The following SPTBN1 variants were observed in gnomAD, a reference collection of about 807,000 sequenced individuals.
SPTBN1 encodes the protein spectrin beta, non-erythrocytic 1.
A neutral mutation model predicts 266.4 loss-of-function variants in SPTBN1; 32 were observed. That is an observed-to-expected ratio of 0.12 (90% CI 0.09 to 0.16). SPTBN1 has a LOEUF of 0.16. Ranked by LOEUF, SPTBN1 falls within the 10% of genes least tolerant of loss-of-function variation. The probability of loss-of-function intolerance (pLI) is 1.00; values close to 1 mark genes in which losing one functional copy is unlikely to be tolerated. For synonymous variants in SPTBN1, 1,336 were observed against 1,162.2 expected, an observed-to-expected ratio of 1.15 and a Z score of -3.04; for missense variants, 2,296 against 3,067.1, an observed-to-expected ratio of 0.75 and a Z score of 5.94.
chr2:54,653,535 C>T lies in SPTBN1; in HGVS notation c.5578-74C>T. 6.4e-7 allele frequency: 1 copy of T among 1,570,068 alleles called. No homozygotes were observed. The highest frequency in any genetic ancestry group is 1.2e-5 in the South Asian group (1 of 85,232). Reference sequence around the variant, plus strand: ...TGCTCCCTTTAGTGTATGAGCAGAACAGAATAGGGCTTGGGGTGATGGTGG... The same window carrying T: ...TGCTCCCTTTAGTGTATGAGCAGAATAGAATAGGGCTTGGGGTGATGGTGG... On this transcript the variant is annotated intron_variant, in intron 26 of 35. Coordinates refer to ENST00000356805, the MANE Select transcript of SPTBN1 (RefSeq NM_003128.3). This position sits in a 1 kb window ranked among gnomAD's most constrained non-coding sequence, Gnocchi z 5.1.
In SPTBN1 at chr2:54,664,685, C is replaced by T; in HGVS notation, c.6653C>T (p.Ser2218Leu). ...HEWEAHNKKASSRSWHNVYCV... is the reference protein window; with the variant it reads ...HEWEAHNKKALSRSWHNVYCV... ...TGGGAGGCCCACAATAAGAAAGCCT[C>T]AAGCAGGTAACAGCAGCAGAGGCTG... Residue 2218 changes from serine to leucine, a missense_variant, in exon 33 of 36, where the codon TCA becomes TTA. By Grantham distance (145) the Ser-to-Leu change is moderately radical (BLOSUM62 -2). Transcript: ENST00000356805. This position sits in a 1 kb window ranked among gnomAD's most constrained non-coding sequence, Gnocchi z 5.6. 1 of 1,614,000 alleles carries T rather than the reference C, an allele frequency of 6.2e-7. No individual in the cohort carries two copies. The highest frequency in any genetic ancestry group is 8.5e-7 in the Non-Finnish European group (1 of 1,179,954).
intron 32 of SPTBN1, chr2:54,660,925 G>T (rs1680997908): frequency 2.0e-6 from 2 of 985,274 alleles, no homozygotes; most frequent in Middle Eastern, 5.2e-4. Context: ...TCTCCATTCA[G>T]CCGATGACTT....
chr2:54,629,710 A>T lies in SPTBN1; in HGVS notation c.2576A>T (p.Asp859Val), dbSNP rs1558446251. Residue 859 changes from aspartate to valine, a missense_variant, in exon 14 of 36, where the codon GAT becomes GTT. Around this residue, in one of 12 missense-constraint regions of SPTBN1, gnomAD observed 434 missense variants for 573.9 expected, o/e 0.76. Coordinates refer to ENST00000356805, the MANE Select transcript of SPTBN1 (RefSeq NM_003128.3). The stretch of plus-strand genomic sequence containing the variant: ...CTGTACAAGATGTTCAGCGAGGCTG[A>T]TGCCTGTGAGCTCTGGATCGACGAG... ...LALYKMFSEA[D>V]ACELWIDEKE... 6.2e-7 allele frequency: 1 copy of T among 1,613,412 alleles called. No individual in the cohort carries two copies. The highest frequency in any genetic ancestry group is 8.5e-7 in the Non-Finnish European group (1 of 1,180,044).
At chr2:54,581,372 C>G (rs1469120630) in intron 2 of SPTBN1, among the ~76,000 whole-genome samples, 1 of 152,024 alleles carries the variant, frequency 6.6e-6, no homozygotes, top group Non-Finnish European at 1.5e-5. Flanking sequence ...TAGGGTCGTC[C>G]GTGAGACACA....
Position 54,659,986 on chromosome 2 carries a change from A to G in SPTBN1, c.6407A>G (p.Gln2136Arg). ...TCCCAAAACGGTTTGCCAGCTGAAC[A>G]GGGATCTCCACGGGTTAGTTACCGC... ...QVSQNGLPAE[Q>R]GSPRMAETVD... The change falls in exon 32 of 36, where the codon CAG (glutamine) becomes CGG (arginine). Residue 2136 changes from glutamine (Q) to arginine (R), a missense_variant. Physicochemically the swap from Gln to Arg is conservative, Grantham distance 43. Around this residue, in one of 12 missense-constraint regions of SPTBN1, gnomAD observed 347 missense variants for 368.5 expected, o/e 0.94. Coordinates refer to ENST00000356805, the MANE Select transcript of SPTBN1 (RefSeq NM_003128.3). 6.2e-7 allele frequency: 1 copy of G among 1,614,184 alleles called. No homozygotes were observed.
intron 1 of SPTBN1, among the ~76,000 whole-genome samples, chr2:54,460,074 C>T (rs543613013): frequency 1.3e-5 from 2 of 152,296 alleles, no homozygotes; most frequent in African/African-American, 4.8e-5. Flanking sequence ...GTGAGGTTCA[C>T]GGACCTTCAA....
At chr2:54,621,865 C>G (rs962363451) in intron 8 of SPTBN1, among the ~76,000 whole-genome samples, 2 of 152,196 alleles carry the variant, frequency 1.3e-5, no homozygotes, top group Non-Finnish European at 2.9e-5. Context: ...TCTCATTTGG[C>G]TGATGTTCAC....
intron 1 of SPTBN1, among the ~76,000 whole-genome samples, chr2:54,519,619 A>C (rs1670312143): frequency 6.6e-6 from 1 of 152,152 alleles, no homozygotes; most frequent in Non-Finnish European, 1.5e-5. Flanking sequence ...CTCGTGAAGA[A>C]TCTCATTTTC....
intron 1 of SPTBN1, among the ~76,000 whole-genome samples, chr2:54,487,021 T>A (rs1171378612): frequency 6.6e-6 from 1 of 152,182 alleles, no homozygotes; most frequent in African/African-American, 2.4e-5. Context: ...AATATAATAA[T>A]GTCATCTTAT....
chr2:54,643,198 T>C, intron 19 of SPTBN1, 69 bp downstream of exon 19: 1 of 1,588,378 alleles, frequency 6.3e-7, no homozygotes, highest in East Asian at 2.3e-5. Flanking sequence ...CCTTTTTATT[T>C]AGCACATTTT....
intron 2 of SPTBN1, among the ~76,000 whole-genome samples, chr2:54,575,204 T>G (rs1302216538): frequency 6.6e-6 from 1 of 152,232 alleles, no homozygotes; most frequent in African/African-American, 2.4e-5. Flanking sequence ...TTGATCATTC[T>G]TGGAGATTCA....
chr2:54,661,157 C>G (rs1372388648), intron 32 of SPTBN1: 1 of 985,288 alleles, frequency 1.0e-6, no homozygotes, highest in African/African-American at 1.7e-5. Flanking sequence ...TTGTGGAATT[C>G]TCTGATAAAG....
intron 32 of SPTBN1, chr2:54,661,124 A>G (rs1681014506): frequency 1.0e-6 from 1 of 985,352 alleles, no homozygotes; most frequent in Non-Finnish European, 1.2e-6. Context: ...CTTCTGATTC[A>G]TTGTTCATTT....
intron 7 of SPTBN1, among the ~76,000 whole-genome samples, chr2:54,619,760 G>A (rs536115362): frequency 3.3e-5 from 5 of 152,184 alleles, no homozygotes; most frequent in East Asian, 3.9e-4. Flanking sequence ...ACACTTTGAC[G>A]GGCTGAGCGG....
At position 54,466,149 on chromosome 2, in the gene SPTBN1, C is replaced by T. The variant is rs375606022; in HGVS notation, c.-48+9631C>T. ...CATTTTAATATCTCTGCTCTAGAATCGAGAATGCCCTGTTAGTTCTGATTT... is the reference window on the plus strand; with the variant it reads ...CATTTTAATATCTCTGCTCTAGAATTGAGAATGCCCTGTTAGTTCTGATTT... On this transcript the variant is annotated intron_variant, in intron 1 of 35. Transcript: ENST00000356805. Among the ~76,000 whole-genome samples, 21 of 152,200 alleles carry T rather than the reference C, an allele frequency of 1.4e-4. No individual in the cohort carries two copies. The East Asian group carries it at 2.9e-3, about 21-fold the overall frequency.
chr2:54,587,771 C>T (rs1675388025), intron 2 of SPTBN1, among the ~76,000 whole-genome samples: 1 of 152,092 alleles, frequency 6.6e-6, no homozygotes, highest in African/African-American at 2.4e-5. Context: ...ATAGTTTGTC[C>T]CTCCTGCCAA....
chr2:54,644,164 C>T (rs1241277363), intron 19 of SPTBN1, among the ~76,000 whole-genome samples, 159 bp from the exon 20 acceptor site: 3 of 152,024 alleles, frequency 2.0e-5, no homozygotes, highest in African/African-American at 4.8e-5. Context: ...ACCTAGGGGT[C>T]GTTGTTGATT....
intron 1 of SPTBN1, among the ~76,000 whole-genome samples, chr2:54,495,682 C>CTTTTTTTTTTTTTTTTTTTTTTTT (rs1553434216): frequency 1.0e-5 from 1 of 95,970 alleles, no homozygotes. Flanking sequence ...TGTGTTTTTA[C>CTTTTTTTTTTTTTTTTTTTTTTTT]CTTTATTTCC....
intron 1 of SPTBN1, among the ~76,000 whole-genome samples, chr2:54,474,650 G>A (rs1044287209): frequency 2.7e-4 from 41 of 151,928 alleles, no homozygotes; most frequent in African/African-American, 8.7e-4. Flanking sequence ...TTTAACATAG[G>A]GAGAAAAAGC....
Sources: gnomAD v4.1 joint callset for allele counts (sites outside exome capture counted in the v4.1 genomes callset) on GRCh38, gnomAD v4.1.1 for gene constraint, gnomAD v4.1.1 regional missense constraint, Gnocchi (gnomAD v3.1) non-coding constraint, MANE v1.5 for transcripts, NCBI Gene and HGNC (gene_info 2026-07-23, HGNC 2026-07-21) for gene names.